Variants in PTPRT observed in about 807,000 individuals in gnomAD.
PTPRT encodes the protein receptor-type tyrosine-protein phosphatase T.
Under a neutral mutation model 176.8 loss-of-function variants are expected in PTPRT, and 56 were observed. The ratio of observed to expected loss-of-function variants is 0.32; its 90% CI spans 0.26 to 0.40. The LOEUF (loss-of-function observed/expected upper bound fraction) is 0.40, where lower values mean the gene tolerates loss of function less well. PTPRT is among the 10% of genes least tolerant of loss of function. The pLI is 1.00. For synonymous variants in PTPRT, 783 were observed against 739.0 expected, an observed-to-expected ratio of 1.06 and a Z score of -0.96; for missense variants, 1,540 against 1,908.2, an observed-to-expected ratio of 0.81 and a Z score of 3.60.
At chr20:42,570,155 G>A (rs559738650) in intron 7 of PTPRT, among the ~76,000 whole-genome samples, 1 of 152,100 alleles carries the variant, frequency 6.6e-6, no homozygotes, top group South Asian at 2.1e-4. Flanking sequence ...AGTGTGTGTC[G>A]TCAGTGTCTG....
At chr20:42,172,317 A>G (rs1002167772) in intron 16 of PTPRT, among the ~76,000 whole-genome samples, 3 of 152,234 alleles carry the variant, frequency 2.0e-5, no homozygotes, top group Non-Finnish European at 4.4e-5. Flanking sequence ...ACACCAACAA[A>G]TTAGACAAAC....
At chr20:42,675,849 G>A (rs6513807) in intron 7 of PTPRT, among the ~76,000 whole-genome samples, 4,442 of 152,310 alleles carry the variant, frequency 0.029, 231 homozygotes, top group African/African-American at 0.1. Flanking sequence ...CCAGGAAGTG[G>A]ATCCTCTAGG....
chr20:42,837,214 C>T (rs1011773320), intron 2 of PTPRT, among the ~76,000 whole-genome samples: 1 of 152,152 alleles, frequency 6.6e-6, no homozygotes, highest in Non-Finnish European at 1.5e-5. Context: ...CCACTGGAGC[C>T]CACAGAGGCC....
At chr20:42,531,159 A>G (rs2072376910) in intron 7 of PTPRT, among the ~76,000 whole-genome samples, 1 of 152,304 alleles carries the variant, frequency 6.6e-6, no homozygotes, top group South Asian at 2.1e-4. Flanking sequence ...TGAAGTGCCA[A>G]TGGTGGTTTT....
chr20:42,835,462 T>A lies in PTPRT; in HGVS notation c.215-43996A>T, dbSNP rs1425792310. ...ATATCCAAATGAAATAGAAAAGGAC[T>A]AGCAGAATGCCTATTTTATTTGGAA... On this transcript the variant is annotated intron_variant, in intron 2 of 30. Coordinates refer to ENST00000373187, the MANE Select transcript of PTPRT (RefSeq NM_007050.6). Among the ~76,000 whole-genome samples, 4 of 152,026 alleles carry A rather than the reference T, an allele frequency of 2.6e-5. No homozygotes were observed. In the East Asian group the frequency reaches 7.7e-4, roughly 29 times the overall value.
intron 2 of PTPRT, among the ~76,000 whole-genome samples, chr20:42,861,185 A>G (rs1362591542): frequency 6.6e-6 from 1 of 152,132 alleles, no homozygotes; most frequent in Non-Finnish European, 1.5e-5. Context: ...CTTTAGCACC[A>G]TTTCTATTTC....
At chr20:42,393,205 T>A (rs1393505920) in intron 9 of PTPRT, among the ~76,000 whole-genome samples, 1 of 152,188 alleles carries the variant, frequency 6.6e-6, no homozygotes, top group Non-Finnish European at 1.5e-5. Context: ...AGGTGAGATA[T>A]CCTCCTACTT....
At chr20:42,438,864 G>A (rs6130130) in intron 9 of PTPRT, among the ~76,000 whole-genome samples, 14,012 of 152,190 alleles carry the variant, frequency 0.092, 650 homozygotes, top group Middle Eastern at 0.16. Flanking sequence ...TACCTGTGTC[G>A]TAATAGAAAA....
chr20:42,927,082 G>A (rs373648262), intron 1 of PTPRT, among the ~76,000 whole-genome samples: 1 of 152,166 alleles, frequency 6.6e-6, no homozygotes, highest in Admixed American at 6.5e-5. Context: ...TGTGACTTTC[G>A]ATGTCCACCA....
chr20:42,219,047 T>A (rs2055828544), intron 15 of PTPRT, among the ~76,000 whole-genome samples: 1 of 152,118 alleles, frequency 6.6e-6, no homozygotes, highest in African/African-American at 2.4e-5. Flanking sequence ...GCTCCAGCAC[T>A]TAAGCGCCAT....
intron 9 of PTPRT, among the ~76,000 whole-genome samples, chr20:42,422,021 A>C (rs1051893222): frequency 6.6e-6 from 1 of 152,330 alleles, no homozygotes; most frequent in African/African-American, 2.4e-5. Context: ...CTGAAACTAA[A>C]CCTTTTCCTT....
At chr20:42,605,684 C>T (rs1040465373) in intron 7 of PTPRT, among the ~76,000 whole-genome samples, 3 of 152,110 alleles carry the variant, frequency 2.0e-5, no homozygotes, top group African/African-American at 4.8e-5. Flanking sequence ...GAGCAAAGAC[C>T]GATCTGCACA....
At chr20:42,539,121 T>C (rs1601223091) in intron 7 of PTPRT, among the ~76,000 whole-genome samples, 2 of 152,284 alleles carry the variant, frequency 1.3e-5, no homozygotes, top group Admixed American at 1.3e-4. Flanking sequence ...ATACTGGATC[T>C]TCAGAGCCTA....
At chr20:42,268,845 C>T (rs2056882470) in intron 13 of PTPRT, among the ~76,000 whole-genome samples, 2 of 152,142 alleles carry the variant, frequency 1.3e-5, no homozygotes, top group African/African-American at 4.8e-5. Flanking sequence ...GGCTCAGCCC[C>T]AATCTCCTTT....
At chr20:42,753,235 A>G (rs2076789043) in intron 6 of PTPRT, among the ~76,000 whole-genome samples, 1 of 152,038 alleles carries the variant, frequency 6.6e-6, no homozygotes. Context: ...CTCCAGTTGT[A>G]CCCCTTGGGA....
chr20:42,620,476 G>A (rs903383996), intron 7 of PTPRT, among the ~76,000 whole-genome samples: 3 of 148,404 alleles, frequency 2.0e-5, no homozygotes, highest in East Asian at 1.9e-4. Flanking sequence ...CACCCAGTTC[G>A]AGCTTCCTGG....
At chr20:42,145,522 A>ATAGATAGATAGATAGG (rs1341668728) in intron 17 of PTPRT, among the ~76,000 whole-genome samples, 4 of 150,316 alleles carry the variant, frequency 2.7e-5, no homozygotes, top group African/African-American at 9.7e-5. Flanking sequence ...AGATAGATAG[A>ATAGATAGATAGATAGG]TAGATAGATA....
At chr20:42,664,833 A>G (rs1048626083) in intron 7 of PTPRT, among the ~76,000 whole-genome samples, 4 of 152,218 alleles carry the variant, frequency 2.6e-5, no homozygotes, top group South Asian at 2.1e-4. Flanking sequence ...CCTGACAAAA[A>G]CAAGAAATGG....
At chr20:42,370,515 G>C (rs181778933) in intron 9 of PTPRT, among the ~76,000 whole-genome samples, 2 of 152,286 alleles carry the variant, frequency 1.3e-5, no homozygotes, top group Admixed American at 1.3e-4. Context: ...GGAGGCAACT[G>C]TCTTCAGTGA....
Sources: allele counts gnomAD v4.1 joint callset (sites outside exome capture counted in the v4.1 genomes callset), GRCh38; gene constraint gnomAD v4.1.1; transcripts MANE v1.5; gene names NCBI Gene and HGNC (gene_info 2026-07-23, HGNC 2026-07-21).